The following GMDS variants were observed in gnomAD, a reference collection of about 807,000 sequenced individuals.
The protein encoded by GMDS is GDP-mannose 4,6 dehydratase.
GMDS carries 20 observed loss-of-function variants against 49.9 expected under a neutral mutation model. That is an observed-to-expected ratio of 0.40 (90% CI 0.28 to 0.58). The LOEUF (loss-of-function observed/expected upper bound fraction) is 0.58. GMDS is among the 20% of genes least tolerant of loss of function. GMDS has a pLI of 0.42. For synonymous variants in GMDS, 177 were observed against 178.6 expected (o/e 0.99, Z 0.07); for missense variants, 362 against 481.4 (o/e 0.75, Z 2.32).
chr6:1,916,231 G>A (rs1296068835), intron 7 of GMDS, among the ~76,000 whole-genome samples: 3 of 152,104 alleles, frequency 2.0e-5, no homozygotes, highest in Admixed American at 6.5e-5. Flanking sequence ...TAGTTACAAG[G>A]TAGCACGCCC....
At chr6:1,986,392 A>G (rs1040965735) in intron 4 of GMDS, among the ~76,000 whole-genome samples, 4 of 152,184 alleles carry the variant, frequency 2.6e-5, no homozygotes, top group Non-Finnish European at 5.9e-5. Flanking sequence ...AAAAACTGAT[A>G]AGGCTTCTAA....
intron 7 of GMDS, among the ~76,000 whole-genome samples, chr6:1,787,852 TG>T (rs1769383363): frequency 6.6e-6 from 1 of 152,232 alleles, no homozygotes; most frequent in Non-Finnish European, 1.5e-5. Flanking sequence ...AAGGTTTTGC[TG>T]GCAAATGCAT....
At chr6:1,838,080 A>C (rs1001573735) in intron 7 of GMDS, among the ~76,000 whole-genome samples, 4 of 152,242 alleles carry the variant, frequency 2.6e-5, no homozygotes, top group Non-Finnish European at 5.9e-5. Context: ...TTGAACTTAA[A>C]GGAATGTTCC....
chr6:1,728,891 CTT>C (rs1480606347), intron 8 of GMDS, among the ~76,000 whole-genome samples: 1 of 151,310 alleles, frequency 6.6e-6, no homozygotes, highest in Non-Finnish European at 1.5e-5. Context: ...TTATTTTCTT[CTT>C]TTTTTAAACC....
At chr6:1,688,205 T>C (rs1765052921) in intron 9 of GMDS, among the ~76,000 whole-genome samples, 1 of 152,136 alleles carries the variant, frequency 6.6e-6, no homozygotes, top group Non-Finnish European at 1.5e-5. Context: ...GGGGAGTCAA[T>C]GTTGACTCTG....
chr6:2,004,073 C>A (rs1372106072), intron 4 of GMDS, among the ~76,000 whole-genome samples: 1 of 152,144 alleles, frequency 6.6e-6, no homozygotes, highest in Non-Finnish European at 1.5e-5. Flanking sequence ...TTGAAATATA[C>A]AAAATAGTCA....
chr6:1,998,719 T>A (rs779146695), intron 4 of GMDS, among the ~76,000 whole-genome samples: 1 of 152,254 alleles, frequency 6.6e-6, no homozygotes, highest in Admixed American at 6.5e-5. Flanking sequence ...ATTTGAAAAA[T>A]ACAGCAGGAT....
intron 1 of GMDS, among the ~76,000 whole-genome samples, chr6:2,213,787 G>A (rs1399949759): frequency 6.6e-6 from 1 of 152,190 alleles, no homozygotes; most frequent in Non-Finnish European, 1.5e-5. Flanking sequence ...TTAAGGGGGA[G>A]AAGGGGTAAA....
chr6:2,114,675 T>G (rs1056115474), intron 4 of GMDS, among the ~76,000 whole-genome samples: 2 of 152,238 alleles, frequency 1.3e-5, no homozygotes, highest in African/African-American at 4.8e-5. Flanking sequence ...TTCATCGATA[T>G]GTAGCCATCC....
chr6:1,703,825 T>C (rs1298487702), intron 9 of GMDS, among the ~76,000 whole-genome samples: 1 of 152,270 alleles, frequency 6.6e-6, no homozygotes, highest in Non-Finnish European at 1.5e-5. Context: ...TTTGGCACAC[T>C]GTGAAGTTGT....
rs1446857663 is a variant in GMDS at position 1,789,539 on chromosome 6, T to C, written c.772-46953A>G. On this transcript the variant is annotated intron_variant, in intron 7 of 10. Coordinates refer to ENST00000380815, the MANE Select transcript of GMDS (RefSeq NM_001500.4). ...TTTTTCTTTTTCTTTTTTCTTTTTT[T>C]TTTTTTTTTTTTTCCTGACAGGCTC... 1.3e-4 allele frequency among the ~76,000 whole-genome samples: 6 copies of C among 45,422 alleles called. No individual in the cohort carries two copies. In the East Asian group the frequency reaches 1.7e-3, roughly 13 times the overall value. The allele number at this position is 45,422 out of a possible 152,430, so 29.8% of individuals were successfully genotyped here.
chr6:1,759,989 A>T (rs972476715), intron 7 of GMDS, among the ~76,000 whole-genome samples: 18 of 152,026 alleles, frequency 1.2e-4, no homozygotes, highest in Non-Finnish European at 1.6e-4. Flanking sequence ...TTGCAGTAAG[A>T]GACCCAGAGG....
intron 7 of GMDS, among the ~76,000 whole-genome samples, chr6:1,783,608 A>T (rs957791377): frequency 2.0e-5 from 3 of 152,220 alleles, no homozygotes; most frequent in Non-Finnish European, 4.4e-5. Context: ...ACACTGAATA[A>T]ATTTAACCTT....
rs1185841230 is a variant in GMDS, at chr6:1,640,616, C to A, written c.988-16076G>T. On this transcript the variant is annotated intron_variant, in intron 9 of 10. Transcript: ENST00000380815. The surrounding 1 kb of genome is among the most constrained non-coding windows in gnomAD (Gnocchi z 4.0). ...AATACATTTCTTATAAACAGCAGGGCAGGCTGTCTCAGGTGTGGTTCCAGA... is the reference window on the plus strand; with the variant it reads ...AATACATTTCTTATAAACAGCAGGGAAGGCTGTCTCAGGTGTGGTTCCAGA... 1.3e-5 allele frequency among the ~76,000 whole-genome samples: 2 copies of A among 152,176 alleles called. No homozygotes were observed. The highest frequency in any genetic ancestry group is 2.4e-5 in the African/African-American group (1 of 41,416).
At chr6:1,713,354 G>T (rs1429264585) in intron 9 of GMDS, among the ~76,000 whole-genome samples, 3 of 152,224 alleles carry the variant, frequency 2.0e-5, no homozygotes, top group Admixed American at 2.0e-4. Context: ...AGCACCACAT[G>T]TGACGACTAG....
chr6:2,011,317 C>G (rs1767544793), intron 4 of GMDS, among the ~76,000 whole-genome samples: 1 of 152,012 alleles, frequency 6.6e-6, no homozygotes, highest in South Asian at 2.1e-4. Context: ...GGTGAGGATG[C>G]AAAGAGAAGG....
chr6:1,928,286 A>G lies in GMDS; in HGVS notation c.771+1817T>C, dbSNP rs946529037. ...AGTCTGAGGCAGGAGAATCGCTTGAACCCGGGAGGCAGAGGTTGCAGTGAG... is the reference window on the plus strand; with the variant it reads ...AGTCTGAGGCAGGAGAATCGCTTGAGCCCGGGAGGCAGAGGTTGCAGTGAG... On this transcript the variant is annotated intron_variant, in intron 7 of 10. Coordinates refer to ENST00000380815, the MANE Select transcript of GMDS (RefSeq NM_001500.4). Among the ~76,000 whole-genome samples, 6 of 150,992 alleles carry G rather than the reference A, an allele frequency of 4.0e-5. No homozygotes were observed. The Admixed American group carries it at 4.0e-4, about 10-fold the overall frequency.
intron 8 of GMDS, among the ~76,000 whole-genome samples, chr6:1,737,913 C>G (rs548392094): frequency 7.1e-6 from 1 of 141,178 alleles, no homozygotes; most frequent in African/African-American, 2.6e-5. Flanking sequence ...ACACCACACA[C>G]CACACACAGA....
intron 7 of GMDS, among the ~76,000 whole-genome samples, chr6:1,893,230 G>C (rs1759967752): frequency 7.6e-6 from 1 of 132,438 alleles, no homozygotes; most frequent in African/African-American, 2.9e-5. Flanking sequence ...GTCTGACTCT[G>C]TCACCCAGGC....
Sources: allele counts gnomAD v4.1 joint callset (sites outside exome capture counted in the v4.1 genomes callset), GRCh38; gene constraint gnomAD v4.1.1; non-coding constraint Gnocchi (gnomAD v3.1); transcripts MANE v1.5; gene names NCBI Gene and HGNC (gene_info 2026-07-23, HGNC 2026-07-21).